ERCC6L: variants seen among roughly 807,000 people sequenced by gnomAD.
ERCC6L encodes ERCC excision repair 6 like, spindle assembly checkpoint helicase.
ERCC6L carries 7 observed loss-of-function variants against 20.1 expected under a neutral mutation model. That is an observed-to-expected ratio of 0.35 (90% CI 0.20 to 0.65). The LOEUF (loss-of-function observed/expected upper bound fraction) is 0.65, where lower values mean the gene tolerates loss of function less well. Ranked by LOEUF, ERCC6L falls within the 30% of genes least tolerant of loss-of-function variation. ERCC6L has a pLI of 0.69. For synonymous variants in ERCC6L, 278 were observed against 331.3 expected, an observed-to-expected ratio of 0.84 and a Z score of 1.75; for missense variants, 592 against 892.4, an observed-to-expected ratio of 0.66 and a Z score of 4.29.
At position 72,206,164 on chromosome X, in the gene ERCC6L, A is replaced by G; in HGVS notation, c.2603T>C (p.Val868Ala). 1 of 1,211,817 alleles carries G rather than the reference A, an allele frequency of 8.3e-7. No individual in the cohort carries two copies. Among genetic ancestry groups the G allele is most frequent in the South Asian group, 1.8e-5 (1 of 56,992 alleles). The part of the protein sequence containing the change: ...QEDPLESFNY[V>A]LSKSTKADIG... ...ATCAGCTTTGGTTGATTTGCTAAGT[A>G]CATAATTAAAACTTTCCAGAGGATC... Residue 868 changes from valine (V) to alanine (A), a missense_variant, in exon 2 of 2, where the codon GTA (valine) becomes GCA (alanine). Val to Ala is a moderately conservative substitution (Grantham distance 64, BLOSUM62 0). Transcript: ENST00000334463.
chrX:72,205,884 T>A lies in ERCC6L; in HGVS notation c.2883A>T (p.Ala961=), dbSNP rs778354297. ...CDFNLFLEDS[A]DNRQNFSSQS... ...GACTGGAAAAATTTTGTCTGTTGTCTGCTGAGTCTTCCAAGAAAAGATTGA... is the reference window on the plus strand; with the variant it reads ...GACTGGAAAAATTTTGTCTGTTGTCAGCTGAGTCTTCCAAGAAAAGATTGA... Residue 961 remains alanine (A), a synonymous_variant, in exon 2 of 2, where the codon GCA becomes GCT. Coordinates refer to ENST00000334463, the MANE Select transcript of ERCC6L (RefSeq NM_017669.4). The A allele has an allele frequency of 8.3e-7, 1 of 1,211,483 alleles. No individual in the cohort carries two copies. Among genetic ancestry groups the A allele is most frequent in the Non-Finnish European group, 1.1e-6 (1 of 895,359 alleles).
intron 1 of ERCC6L, among the ~76,000 whole-genome samples, chrX:72,236,062 A>G (rs1231401712): frequency 8.9e-6 from 1 of 112,226 alleles, no homozygotes. Flanking sequence ...GGTCCCAACA[A>G]TATCAAACAT....
In ERCC6L at chrX:72,238,962, C is replaced by A. The variant is rs772617159; in HGVS notation, c.-51G>T. ...CCCGGCGGGAGTTTGGAGCTTGGAG[C>A]TTGGAGCTTGGAGCTTGGAGCTTAG... On this transcript the variant is annotated 5_prime_UTR_variant, in exon 1 of 2. Transcript: ENST00000334463. 14 of 997,044 alleles carry A rather than the reference C, an allele frequency of 1.4e-5. No homozygotes were observed. In the Admixed American group the frequency reaches 3.1e-4, roughly 22 times the overall value. 82.2% of individuals were successfully genotyped at this position (997,044 alleles called of 1,213,427 possible).
intron 1 of ERCC6L, among the ~76,000 whole-genome samples, chrX:72,224,731 G>A (rs756907116): frequency 1.8e-5 from 2 of 111,558 alleles, no homozygotes; most frequent in Middle Eastern, 4.6e-3. Flanking sequence ...GGCAACAAGA[G>A]CAAAACTCTG....
At chrX:72,210,378 CA>C (rs1218623191) in intron 1 of ERCC6L, among the ~76,000 whole-genome samples, 1 of 110,899 alleles carries the variant, frequency 9.0e-6, no homozygotes, top group Non-Finnish European at 1.9e-5. Flanking sequence ...GGGAAAATAC[CA>C]AGTGTTGGCA....
chrX:72,212,303 T>C (rs1317382899), intron 1 of ERCC6L, among the ~76,000 whole-genome samples: 2 of 110,654 alleles, frequency 1.8e-5, no homozygotes, highest in African/African-American at 6.6e-5. Context: ...TAAAATCATC[T>C]CTGCCCCAAA....
At chrX:72,231,639 C>T (rs997031591) in intron 1 of ERCC6L, among the ~76,000 whole-genome samples, 6 of 110,505 alleles carry the variant, frequency 5.4e-5, no homozygotes, top group Admixed American at 3.9e-4. Context: ...CTGCAGCCTC[C>T]GCCTCCTGGG....
At chrX:72,219,947 C>CG (rs998557955) in intron 1 of ERCC6L, among the ~76,000 whole-genome samples, 1 of 110,961 alleles carries the variant, frequency 9.0e-6, no homozygotes, top group African/African-American at 3.3e-5. Context: ...CTGATATGAG[C>CG]GGGAAAAGCC....
chrX:72,232,667 G>A (rs182114351), intron 1 of ERCC6L, among the ~76,000 whole-genome samples: 20 of 111,167 alleles, frequency 1.8e-4, no homozygotes, highest in African/African-American at 5.6e-4. Context: ...AAAATTAGCC[G>A]GGTGTGGTGG....
At chrX:72,218,832 CA>C (rs1290749564) in intron 1 of ERCC6L, among the ~76,000 whole-genome samples, 2 of 112,719 alleles carry the variant, frequency 1.8e-5, no homozygotes, top group Non-Finnish European at 3.7e-5. Flanking sequence ...TCCATAAACA[CA>C]GGATATCTTT....
intron 1 of ERCC6L, among the ~76,000 whole-genome samples, chrX:72,215,836 C>T (rs1467707037): frequency 9.0e-6 from 1 of 110,558 alleles, no homozygotes; most frequent in Non-Finnish European, 1.9e-5. Flanking sequence ...TTTTCCCTCC[C>T]GCTTGGGTTC....
In ERCC6L at chrX:72,233,499, G is replaced by A. The variant is rs189627968; in HGVS notation, c.68+5345C>T. 5.9e-3 allele frequency among the ~76,000 whole-genome samples: 656 copies of A among 110,744 alleles called. 5 individuals carry two copies. Among genetic ancestry groups the A allele is most frequent in the African/African-American group, 0.02 (605 of 30,338 alleles). On this transcript the variant is annotated intron_variant, in intron 1 of 1. Transcript: ENST00000334463. ...AGCACTTTGGGAGGCCGAGGCAGGC[G>A]AATCACTGGTCAGGAGTTCAGGACC... is the stretch of plus-strand genomic sequence containing the variant.
chrX:72,229,771 C>T (rs763085574), intron 1 of ERCC6L, among the ~76,000 whole-genome samples: 4 of 111,792 alleles, frequency 3.6e-5, no homozygotes, highest in Admixed American at 1.9e-4. Context: ...CCCTTAATAG[C>T]CACCTTGGGT....
rs139462089 is a variant in ERCC6L, at chrX:72,228,845, C to T, written c.68+9999G>A. On this transcript the variant is annotated intron_variant, in intron 1 of 1. Transcript: ENST00000334463. ...CTCGAACTATAAACCTTACACAATCCCTCTTGCTGCGAACTAACTCTTCCT... is the reference window on the plus strand; with the variant it reads ...CTCGAACTATAAACCTTACACAATCTCTCTTGCTGCGAACTAACTCTTCCT... Among the ~76,000 whole-genome samples the T allele has an allele frequency of 6.0e-3, 664 of 111,155 alleles. 5 individuals carry two copies. Among genetic ancestry groups the T allele is most frequent in the African/African-American group, 0.02 (613 of 30,521 alleles).
intron 1 of ERCC6L, among the ~76,000 whole-genome samples, chrX:72,228,005 G>GT (rs2096124836): frequency 8.9e-6 from 1 of 112,416 alleles, no homozygotes; most frequent in South Asian, 3.6e-4. Context: ...ATTTGAAGGT[G>GT]TTTTTACCTT....
In ERCC6L at chrX:72,204,913, C is replaced by T. The variant is rs2042806830; in HGVS notation, c.*101G>A. 27 of 778,390 alleles carry T rather than the reference C, an allele frequency of 3.5e-5. No individual in the cohort carries two copies. The South Asian group carries it at 7.5e-4, about 22-fold the overall frequency. 64.1% of individuals were successfully genotyped at this position (778,390 alleles called of 1,213,427 possible). On this transcript the variant is annotated 3_prime_UTR_variant, in exon 2 of 2. Transcript: ENST00000334463. ...AGTTGCTTTTTGAGATCTTTCTTGCCTTAAGCCTGAATGCTTCATGTTCCC... is the reference window on the plus strand; with the variant it reads ...AGTTGCTTTTTGAGATCTTTCTTGCTTTAAGCCTGAATGCTTCATGTTCCC...
chrX:72,205,612 T>A lies in ERCC6L; in HGVS notation c.3155A>T (p.Gln1052Leu). ...ATCAAATTGTTTCACAGATGAGAAT[T>A]GAAAGAGAGATGTGTTGAATGGATT... is the stretch of plus-strand genomic sequence containing the variant. ...SINPFNTSLF[Q>L]FSSVKQFDAS... Residue 1052 changes from glutamine (Q) to leucine (L), a missense_variant, in exon 2 of 2, where the codon CAA becomes CTA. Gln to Leu is a moderately radical substitution (Grantham distance 113, BLOSUM62 -2). Around this residue, in one of 3 missense-constraint regions of ERCC6L, gnomAD observed 352 missense variants for 402.6 expected, o/e 0.87. Transcript: ENST00000334463. 1 of 1,210,245 alleles carries A rather than the reference T, an allele frequency of 8.3e-7. No individual in the cohort carries two copies. The highest frequency in any genetic ancestry group is 1.1e-6 in the Non-Finnish European group (1 of 895,058).
At chrX:72,228,637 A>T (rs1317629060) in intron 1 of ERCC6L, among the ~76,000 whole-genome samples, 1 of 111,744 alleles carries the variant, frequency 8.9e-6, no homozygotes, top group Non-Finnish European at 1.9e-5. Context: ...TACCCTTACG[A>T]AACTCCCATT....
intron 1 of ERCC6L, among the ~76,000 whole-genome samples, chrX:72,233,035 A>C (rs926082785): frequency 9.0e-6 from 1 of 111,492 alleles, no homozygotes; most frequent in Admixed American, 9.6e-5. Context: ...AGCTATCCTG[A>C]ACGTATTACT....
Sources: gnomAD v4.1 joint callset for allele counts (sites outside exome capture counted in the v4.1 genomes callset) on GRCh38, gnomAD v4.1.1 for gene constraint, gnomAD v4.1.1 regional missense constraint, MANE v1.5 for transcripts, NCBI Gene and HGNC (gene_info 2026-07-23, HGNC 2026-07-21) for gene names.